RASAL2: variants seen among roughly 807,000 people sequenced by gnomAD.
RASAL2 encodes the protein RAS protein activator like 2, also known as ras GTPase-activating protein nGAP.
A neutral mutation model predicts 128.9 loss-of-function variants in RASAL2; 58 were observed. The ratio of observed to expected loss-of-function variants is 0.45; its 90% CI spans 0.36 to 0.56. The LOEUF (loss-of-function observed/expected upper bound fraction) is 0.56, where lower values mean the gene tolerates loss of function less well. Ranked by LOEUF, RASAL2 falls within the 20% of genes least tolerant of loss-of-function variation. The probability of loss-of-function intolerance (pLI) is 0.00; values close to 1 mark genes in which losing one functional copy is unlikely to be tolerated. For missense variants in RASAL2, 1,360 were observed against 1,601.6 expected, an observed-to-expected ratio of 0.85 and a Z score of 2.57; for synonymous variants, 561 against 580.8, an observed-to-expected ratio of 0.97 and a Z score of 0.49.
chr1:178,244,185 A>G (rs1298722919), intron 1 of RASAL2, among the ~76,000 whole-genome samples: 1 of 152,148 alleles, frequency 6.6e-6, no homozygotes, highest in Non-Finnish European at 1.5e-5. Flanking sequence ...GATAGTATTA[A>G]GTTGTATAAG....
intron 1 of RASAL2, among the ~76,000 whole-genome samples, chr1:178,215,671 C>G (rs1281126600): frequency 6.6e-6 from 1 of 152,164 alleles, no homozygotes; most frequent in African/African-American, 2.4e-5. Context: ...TTCTCCCTAG[C>G]TCTACTCCTC....
At chr1:178,350,765 T>C (rs942880022) in intron 3 of RASAL2, among the ~76,000 whole-genome samples, 1 of 152,212 alleles carries the variant, frequency 6.6e-6, no homozygotes, top group Non-Finnish European at 1.5e-5. Context: ...GCCACTGTTA[T>C]GTCCCATTTC....
In RASAL2 at chr1:178,168,593, C is replaced by G. The variant is rs74128869; in HGVS notation, c.202+73899C>G. On this transcript the variant is annotated intron_variant, in intron 1 of 17. Transcript: ENST00000367649. ...AATTTGGAATTGTGGTATGTACCATCTTTATGTGGCCTGCAGAATCTCAAC... is the reference window on the plus strand; with the variant it reads ...AATTTGGAATTGTGGTATGTACCATGTTTATGTGGCCTGCAGAATCTCAAC... Among the ~76,000 whole-genome samples the G allele has an allele frequency of 2.2e-3, 332 of 152,152 alleles. 3 individuals are homozygous for G. Among genetic ancestry groups the G allele is most frequent in the African/African-American group, 7.8e-3 (322 of 41,512 alleles).
intron 1 of RASAL2, among the ~76,000 whole-genome samples, chr1:178,268,312 A>G (rs1225264673): frequency 6.6e-6 from 1 of 152,126 alleles, no homozygotes; most frequent in Non-Finnish European, 1.5e-5. Context: ...TACTAAAAAT[A>G]CAAAAATTAG....
At chr1:178,144,046 T>C (rs886211861) in intron 1 of RASAL2, among the ~76,000 whole-genome samples, 3 of 152,038 alleles carry the variant, frequency 2.0e-5, no homozygotes, top group Admixed American at 2.0e-4. Flanking sequence ...GTCTCAAGAG[T>C]TGTGTGTGTA....
intron 1 of RASAL2, among the ~76,000 whole-genome samples, chr1:178,219,586 C>T (rs1371929538): frequency 3.4e-5 from 5 of 148,454 alleles, no homozygotes; most frequent in Non-Finnish European, 7.4e-5. Context: ...GCTGTGATCG[C>T]GCCATAGCAC....
intron 1 of RASAL2, among the ~76,000 whole-genome samples, chr1:178,211,377 AAG>A (rs1663250939): frequency 6.6e-6 from 1 of 152,170 alleles, no homozygotes; most frequent in African/African-American, 2.4e-5. Flanking sequence ...CGTTGCCAGA[AAG>A]AGCTTTCTTA....
At chr1:178,289,225 T>C (rs757034362) in intron 2 of RASAL2, among the ~76,000 whole-genome samples, 7 of 152,138 alleles carry the variant, frequency 4.6e-5, no homozygotes, top group Non-Finnish European at 7.4e-5. Context: ...TTTAGTAGAG[T>C]TGATCACTCA....
intron 17 of RASAL2, among the ~76,000 whole-genome samples, chr1:178,472,570 ATTGTT>A (rs1302818154): frequency 6.6e-6 from 1 of 152,028 alleles, no homozygotes; most frequent in Non-Finnish European, 1.5e-5. Flanking sequence ...GCCACCATGT[ATTGTT>A]TTAATTTTGA....
At chr1:178,417,941 A>G (rs1200291046) in intron 4 of RASAL2, among the ~76,000 whole-genome samples, 11 of 152,148 alleles carry the variant, frequency 7.2e-5, no homozygotes, top group East Asian at 1.9e-4. Context: ...CAATCCTATT[A>G]CAATTCTATA....
intron 1 of RASAL2, among the ~76,000 whole-genome samples, chr1:178,137,758 G>C (rs1293051326): frequency 6.6e-6 from 1 of 152,100 alleles, no homozygotes; most frequent in Non-Finnish European, 1.5e-5. Context: ...TCAACAAAAA[G>C]TAGAGTTAAA....
chr1:178,466,323 T>G (rs1342915960), intron 16 of RASAL2, among the ~76,000 whole-genome samples: 2 of 152,234 alleles, frequency 1.3e-5, no homozygotes, highest in African/African-American at 2.4e-5. Context: ...CTGTTTTTCT[T>G]TAACCATAAC....
At chr1:178,328,301 A>G (rs1386149572) in intron 3 of RASAL2, among the ~76,000 whole-genome samples, 1 of 151,938 alleles carries the variant, frequency 6.6e-6, no homozygotes, top group East Asian at 1.9e-4. Flanking sequence ...AGGTGTATAT[A>G]TTTATGGGGT....
chr1:178,455,739 G>C (rs1374860508), intron 12 of RASAL2, among the ~76,000 whole-genome samples: 1 of 152,192 alleles, frequency 6.6e-6, no homozygotes, highest in African/African-American at 2.4e-5. Flanking sequence ...TGTTTGAGTA[G>C]GGTAGAAGAG....
At chr1:178,265,980 T>C (rs971753800) in intron 1 of RASAL2, among the ~76,000 whole-genome samples, 6 of 152,232 alleles carry the variant, frequency 3.9e-5, no homozygotes, top group African/African-American at 1.4e-4. Context: ...ATTTTATGAA[T>C]TACCAAAATT....
intron 1 of RASAL2, among the ~76,000 whole-genome samples, chr1:178,219,568 T>C (rs1449573815): frequency 6.7e-6 from 1 of 148,304 alleles, no homozygotes; most frequent in African/African-American, 2.5e-5. Flanking sequence ...TGGTCAAGGC[T>C]GCAGTGAGCT....
intron 1 of RASAL2, among the ~76,000 whole-genome samples, chr1:178,151,231 C>T (rs930089588): frequency 2.0e-5 from 3 of 152,040 alleles, no homozygotes; most frequent in Non-Finnish European, 4.4e-5. Context: ...CATGGTGAAA[C>T]CCTGTCTCTA....
chr1:178,208,697 G>C (rs976845760), intron 1 of RASAL2, among the ~76,000 whole-genome samples: 11 of 152,080 alleles, frequency 7.2e-5, no homozygotes, highest in African/African-American at 2.4e-4. Flanking sequence ...TGTGATCTTT[G>C]TTCTGCTTTT....
Position 178,420,552 on chromosome 1 carries a change from C to A in RASAL2, c.606C>A (p.Thr202=). 6.2e-7 allele frequency: 1 copy of A among 1,613,266 alleles called. No homozygotes were observed. The highest frequency in any genetic ancestry group is 1.1e-5 in the South Asian group (1 of 91,010). The part of the protein sequence containing the change: ...SKRLKGSIKR[T]KSQSKLDRNT... ...GCCTGAAAGGCTCCATCAAGAGGAC[C>A]AAAAGCCAGTCAAAGCTTGACAGAA... The change falls in exon 5 of 18, where the codon ACC becomes ACA. Residue 202 remains threonine (T), a synonymous_variant. Coordinates refer to ENST00000367649, the MANE Select transcript of RASAL2 (RefSeq NM_170692.4).
Sources: allele counts gnomAD v4.1 joint callset (sites outside exome capture counted in the v4.1 genomes callset), GRCh38; gene constraint gnomAD v4.1.1; transcripts MANE v1.5; gene names NCBI Gene and HGNC (gene_info 2026-07-23, HGNC 2026-07-21).